Variants in MPPED2 observed in about 807,000 individuals in gnomAD.
The protein encoded by MPPED2 is metallophosphoesterase MPPED2.
A neutral mutation model predicts 33.0 loss-of-function variants in MPPED2; 5 were observed. The ratio of observed to expected loss-of-function variants is 0.15; its 90% CI spans 0.08 to 0.32. MPPED2 has a LOEUF of 0.32. MPPED2 is among the 10% of genes least tolerant of loss of function. MPPED2 has a pLI of 1.00. For missense variants in MPPED2, 275 were observed against 372.1 expected, an observed-to-expected ratio of 0.74 and a Z score of 2.15; for synonymous variants, 136 against 141.9, an observed-to-expected ratio of 0.96 and a Z score of 0.29.
intron 4 of MPPED2, among the ~76,000 whole-genome samples, chr11:30,490,100 G>A (rs141341090): frequency 4.6e-5 from 7 of 152,236 alleles, no homozygotes; most frequent in Non-Finnish European, 1.0e-4. Context: ...TACCACAGGG[G>A]CTAGTATTTG....
intron 3 of MPPED2, among the ~76,000 whole-genome samples, chr11:30,514,469 C>A (rs1488961155): frequency 6.6e-6 from 1 of 152,070 alleles, no homozygotes; most frequent in Non-Finnish European, 1.5e-5. Flanking sequence ...CATCACTGAG[C>A]CCCTGAATTA....
intron 2 of MPPED2, among the ~76,000 whole-genome samples, chr11:30,543,575 A>C (rs1955246366): frequency 6.6e-6 from 1 of 152,162 alleles, no homozygotes; most frequent in Admixed American, 6.5e-5. Flanking sequence ...TTCCCAGACA[A>C]TGCAAAGATA....
At chr11:30,470,190 A>G (rs547930284) in intron 4 of MPPED2, among the ~76,000 whole-genome samples, 2 of 152,170 alleles carry the variant, frequency 1.3e-5, no homozygotes, top group Non-Finnish European at 2.9e-5. Context: ...GAGTCAGCTC[A>G]TGATTCTAAT....
At chr11:30,548,224 T>TC (rs913280166) in intron 2 of MPPED2, among the ~76,000 whole-genome samples, 38 of 151,468 alleles carry the variant, frequency 2.5e-4, no homozygotes, top group African/African-American at 8.2e-4. Flanking sequence ...CTATCTTTTT[T>TC]TTTTCTTAAC....
In MPPED2 at chr11:30,547,547, G is replaced by T. The variant is rs114378964; in HGVS notation, c.129-11372C>A. 2.4e-3 allele frequency among the ~76,000 whole-genome samples: 360 copies of T among 152,232 alleles called. 3 individuals are homozygous for T. Among genetic ancestry groups the T allele is most frequent in the African/African-American group, 8.1e-3 (338 of 41,550 alleles). On this transcript the variant is annotated intron_variant, in intron 2 of 6. Coordinates refer to ENST00000358117, the MANE Select transcript of MPPED2 (RefSeq NM_001584.3). ...CTTGGAAGTTAGAATCTGGATTCTG[G>T]CCTATCTAAACCATGAGCCTATGTT...
chr11:30,414,058 T>A (rs77385890), intron 6 of MPPED2, among the ~76,000 whole-genome samples, 170 bp downstream of exon 6: 1 of 152,316 alleles, frequency 6.6e-6, no homozygotes, highest in East Asian at 1.9e-4. Flanking sequence ...AGAAGGTCCA[T>A]ATAAAATATT....
intron 4 of MPPED2, among the ~76,000 whole-genome samples, chr11:30,455,761 G>A (rs945762176): frequency 1.3e-5 from 2 of 152,184 alleles, no homozygotes; most frequent in Admixed American, 1.3e-4. Flanking sequence ...GGCTTAACAT[G>A]ATGAGGTATG....
Position 30,410,695 on chromosome 11 carries a change from A to G in MPPED2, c.*773T>C, listed in dbSNP as rs1453090642. The G allele has an allele frequency of 3.0e-6, 3 of 984,620 alleles. No homozygotes were observed. The highest frequency in any genetic ancestry group is 6.2e-5 in the Admixed American group (1 of 16,258). The allele number at this position is 984,620 out of a possible 1,614,324, so 61.0% of individuals were successfully genotyped here. ...ATAATAAACTCCTAACGTAGTCATA[A>G]TACACAAAAAATACTTATATATATA... On this transcript the variant is annotated 3_prime_UTR_variant, in exon 7 of 7. Transcript: ENST00000358117.
chr11:30,486,483 G>T (rs1390706356), intron 4 of MPPED2, among the ~76,000 whole-genome samples: 1 of 152,204 alleles, frequency 6.6e-6, no homozygotes, highest in African/African-American at 2.4e-5. Flanking sequence ...ACCTGGTCTA[G>T]CTTCCGACCA....
At chr11:30,557,175 G>A (rs936475842) in intron 2 of MPPED2, among the ~76,000 whole-genome samples, 2 of 145,362 alleles carry the variant, frequency 1.4e-5, no homozygotes, top group Non-Finnish European at 2.9e-5. Context: ...AATTCAATGA[G>A]CGAATGAATA....
Position 30,484,555 on chromosome 11 carries a change from G to A in MPPED2, c.536+10741C>T, listed in dbSNP as rs1384538618. 3.3e-5 allele frequency among the ~76,000 whole-genome samples: 5 copies of A among 152,204 alleles called. No individual in the cohort carries two copies. In the East Asian group the frequency reaches 9.7e-4, roughly 29 times the overall value. On this transcript the variant is annotated intron_variant, in intron 4 of 6. Transcript: ENST00000358117. ...ACTTGGTGTTGGAGCAGCCCTCATG[G>A]AACAGTCCACATTTAATTTATAGTC...
At chr11:30,571,619 A>T (rs1218018976) in intron 2 of MPPED2, among the ~76,000 whole-genome samples, 1 of 152,226 alleles carries the variant, frequency 6.6e-6, no homozygotes, top group African/African-American at 2.4e-5. Flanking sequence ...GTAAGCTATG[A>T]AAGTCTAAAA....
At chr11:30,424,076 G>C (rs1394557673) in intron 4 of MPPED2, among the ~76,000 whole-genome samples, 2 of 152,208 alleles carry the variant, frequency 1.3e-5, no homozygotes, top group African/African-American at 2.4e-5. Context: ...GCTCAGTCTT[G>C]CATGGACAAT....
chr11:30,540,849 C>G (rs1241594811), intron 2 of MPPED2, among the ~76,000 whole-genome samples: 1 of 152,188 alleles, frequency 6.6e-6, no homozygotes, highest in African/African-American at 2.4e-5. Flanking sequence ...ATTATAATCC[C>G]CGGAAATCAT....
intron 4 of MPPED2, among the ~76,000 whole-genome samples, chr11:30,426,959 C>G (rs183583122): frequency 6.6e-6 from 1 of 152,220 alleles, no homozygotes; most frequent in Admixed American, 6.5e-5. Context: ...AGAGACTGAG[C>G]CTGCAAGGGT....
intron 6 of MPPED2, among the ~76,000 whole-genome samples, chr11:30,412,105 A>G (rs533635065): frequency 1.3e-5 from 2 of 151,878 alleles, no homozygotes; most frequent in African/African-American, 2.4e-5. Flanking sequence ...TGCCTTTACG[A>G]AAGTCAACCA....
At chr11:30,454,028 C>T (rs989260702) in intron 4 of MPPED2, among the ~76,000 whole-genome samples, 2 of 152,186 alleles carry the variant, frequency 1.3e-5, no homozygotes, top group Non-Finnish European at 2.9e-5. Flanking sequence ...CTCCTGGCCA[C>T]ACACCCTTGT....
At chr11:30,586,929 GAC>G (rs35193435), upstream of MPPED2, 97,045 of 150,482 alleles carry the variant, frequency 0.64, 31,849 homozygotes, top group African/African-American at 0.78. This position sits in a 1 kb window ranked among gnomAD's most constrained non-coding sequence, Gnocchi z 4.8. Flanking sequence ...CAACACGACA[GAC>G]ACACACACAC....
At chr11:30,450,306 C>T (rs886204673) in intron 4 of MPPED2, among the ~76,000 whole-genome samples, 1 of 152,200 alleles carries the variant, frequency 6.6e-6, no homozygotes, top group African/African-American at 2.4e-5. Flanking sequence ...AGTCCTACTC[C>T]TTGTCTATAT....
Sources: allele counts gnomAD v4.1 joint callset (sites outside exome capture counted in the v4.1 genomes callset), GRCh38; gene constraint gnomAD v4.1.1; non-coding constraint Gnocchi (gnomAD v3.1); transcripts MANE v1.5; gene names NCBI Gene and HGNC (gene_info 2026-07-23, HGNC 2026-07-21).